Variants in KMT2E observed in about 807,000 individuals in gnomAD.
KMT2E encodes the protein lysine methyltransferase 2E (inactive), also known as histone reader KMT2E.
In KMT2E, 30 loss-of-function variants were observed where a neutral mutation model predicts 184.6. That is an observed-to-expected ratio of 0.16 (90% confidence interval 0.12 to 0.22). KMT2E has a LOEUF of 0.22. Among genes scored for constraint, KMT2E ranks in the 10% least tolerant of loss-of-function variants. KMT2E has a pLI of 1.00. For synonymous variants in KMT2E, 815 were observed against 776.5 expected (o/e 1.05, Z -0.82); for missense variants, 2,023 against 2,237.4 (o/e 0.90, Z 1.93).
intron 3 of KMT2E, among the ~76,000 whole-genome samples, chr7:105,041,605 T>C (rs1186918808): frequency 1.3e-5 from 2 of 152,232 alleles, no homozygotes; most frequent in Non-Finnish European, 2.9e-5. Context: ...TTCATCATTT[T>C]GGCTAGGCTG....
At chr7:105,038,740 AAAAC>A (rs1438654470) in intron 2 of KMT2E, among the ~76,000 whole-genome samples, 2 of 152,154 alleles carry the variant, frequency 1.3e-5, no homozygotes, top group Non-Finnish European at 2.9e-5. Context: ...CCTTTTTAAA[AAAAC>A]TATGATTTGA....
chr7:105,078,162 G>A (rs906756973), intron 11 of KMT2E, among the ~76,000 whole-genome samples: 5 of 152,204 alleles, frequency 3.3e-5, no homozygotes, highest in African/African-American at 1.2e-4. Flanking sequence ...GATTTGATCT[G>A]AAACGGTATA....
At chr7:105,097,319 G>A (rs1387277334) in intron 15 of KMT2E, among the ~76,000 whole-genome samples, 2 of 152,114 alleles carry the variant, frequency 1.3e-5, no homozygotes, top group Non-Finnish European at 2.9e-5. Context: ...GTAGAGACTG[G>A]GAATTTTATT....
chr7:105,019,972 G>A (rs1372730938), intron 1 of KMT2E, among the ~76,000 whole-genome samples: 1 of 151,930 alleles, frequency 6.6e-6, no homozygotes, highest in Admixed American at 6.6e-5. Flanking sequence ...GCCGGGCGTG[G>A]TGGCAGGTGC....
At position 105,106,758 on chromosome 7, in the gene KMT2E, A is replaced by G. The variant is rs1191782872; in HGVS notation, c.2833A>G (p.Thr945Ala). 6.2e-7 allele frequency: 1 copy of G among 1,613,704 alleles called. No individual in the cohort carries two copies. Among genetic ancestry groups the G allele is most frequent in the East Asian group, 2.2e-5 (1 of 44,866 alleles). Residue 945 changes from threonine to alanine, a missense_variant, in exon 20 of 27, where the codon ACC (threonine) becomes GCC (alanine). Physicochemically the swap from Thr to Ala is moderately conservative, Grantham distance 58. Around this residue, in one of 8 missense-constraint regions of KMT2E, gnomAD observed 514 missense variants for 621.8 expected, o/e 0.83. Coordinates refer to ENST00000311117, the MANE Select transcript of KMT2E (RefSeq NM_182931.3). ...TPVTPGTPGN[T>A]MHFENISSPE... ...AGTAACTCCTGGTACACCAGGAAAT[A>G]CCATGCACTTTGAGGTGAGAAATTT... is the stretch of plus-strand genomic sequence containing the variant.
intron 15 of KMT2E, among the ~76,000 whole-genome samples, chr7:105,095,235 G>A (rs1252795807): frequency 6.6e-6 from 1 of 152,064 alleles, no homozygotes; most frequent in African/African-American, 2.4e-5. Context: ...AGATCAGATT[G>A]TCTCATGAAC....
intron 15 of KMT2E, among the ~76,000 whole-genome samples, chr7:105,096,218 C>A (rs192101147): frequency 2.7e-4 from 36 of 133,448 alleles, no homozygotes; most frequent in African/African-American, 1.0e-3. Context: ...GGCATCACTG[C>A]ACTCCAGCCT....
At chr7:105,084,097 C>T (rs545113595) in intron 13 of KMT2E, among the ~76,000 whole-genome samples, 26 of 152,248 alleles carry the variant, frequency 1.7e-4, no homozygotes, top group Middle Eastern at 3.4e-3. Context: ...TCACATTCTG[C>T]GGCCCAGCTG....
intron 1 of KMT2E, among the ~76,000 whole-genome samples, chr7:105,032,073 C>CAAAA (rs869308527): frequency 3.0e-4 from 23 of 77,242 alleles, no homozygotes; most frequent in Admixed American, 3.5e-4. Flanking sequence ...ACTCTTATCA[C>CAAAA]AAAAAAAAAA....
chr7:105,113,950 C>T lies in KMT2E; in HGVS notation c.*617C>T, dbSNP rs1166389765. 1 of 153,298 alleles carries T rather than the reference C, an allele frequency of 6.5e-6. No individual in the cohort carries two copies. The highest frequency in any genetic ancestry group is 1.5e-5 in the Non-Finnish European group (1 of 68,202). The allele number at this position is 153,298 out of a possible 1,614,324, so 9.5% of individuals were successfully genotyped here. A position where few individuals can be genotyped will look rare whatever the true frequency, so the allele number is the denominator to read the frequency against. ...CATTGTACATATGACAAGTCTTTTG[C>T]AAAACTGTGTGATCTTTGTGAAAGT... On this transcript the variant is annotated 3_prime_UTR_variant, in exon 27 of 27. Transcript: ENST00000311117.
chr7:105,039,735 A>G (rs1015733868), intron 2 of KMT2E, among the ~76,000 whole-genome samples: 9 of 152,148 alleles, frequency 5.9e-5, no homozygotes, highest in Non-Finnish European at 1.2e-4. Context: ...TAAGATAAAA[A>G]TATACAGTAA....
chr7:105,109,060 G>A lies in KMT2E; in HGVS notation c.3587G>A (p.Gly1196Asp). 6.2e-7 allele frequency: 1 copy of A among 1,614,188 alleles called. No homozygotes were observed. Among genetic ancestry groups the A allele is most frequent in the Non-Finnish European group, 8.5e-7 (1 of 1,180,020 alleles). The change falls in exon 23 of 27, where the codon GGT becomes GAT. Residue 1196 changes from glycine to aspartate, a missense_variant. Physicochemically the swap from Gly to Asp is moderately conservative, Grantham distance 94. Transcript: ENST00000311117. Reference protein sequence around the residue: ...PHASGSLSNNGDGCASSNDNG... With the variant: ...PHASGSLSNNDDGCASSNDNG... ...GCAAGTGGAAGCTTGAGCAACAATG[G>A]TGATGGCTGTGCCAGCAGTAATGAC...
chr7:105,099,162 G>A (rs1317552151), intron 15 of KMT2E, among the ~76,000 whole-genome samples: 1 of 152,144 alleles, frequency 6.6e-6, no homozygotes, highest in Admixed American at 6.5e-5. Flanking sequence ...AAATATTTGT[G>A]TATTTTAAGA....
At chr7:105,064,166 T>G (rs1350413947) in intron 5 of KMT2E, 18 of 94,714 alleles carry the variant, frequency 1.9e-4, no homozygotes, top group African/African-American at 8.3e-4. Context: ...TTTTCTTGGT[T>G]TTTTTTTTTT....
At chr7:105,102,419 TA>T in intron 17 of KMT2E, 2 of 370,208 alleles carry the variant, frequency 5.4e-6, no homozygotes, top group Non-Finnish European at 9.5e-6. Flanking sequence ...ACTTTTATGG[TA>T]TTGCAATTCA....
chr7:105,073,697 A>C lies in KMT2E; in HGVS notation c.556+20A>C. The C allele has an allele frequency of 1.3e-6, 2 of 1,490,084 alleles. No individual in the cohort carries two copies. The highest frequency in any genetic ancestry group is 1.9e-6 in the Non-Finnish European group (2 of 1,069,228). The allele number at this position is 1,490,084 out of a possible 1,614,324, so 92.3% of individuals were successfully genotyped here. A position where few individuals can be genotyped will look rare whatever the true frequency, so the allele number is the denominator to read the frequency against. On this transcript the variant is annotated intron_variant, in intron 7 of 26. Coordinates refer to ENST00000311117, the MANE Select transcript of KMT2E (RefSeq NM_182931.3). The stretch of plus-strand genomic sequence containing the variant: ...TGTCAGGTAGGTAAAAAGGACCTAC[A>C]CTAAATTAAAATTCGTGTGATTGAG...
intron 6 of KMT2E, among the ~76,000 whole-genome samples, chr7:105,069,456 T>C (rs1435493176): frequency 1.3e-5 from 2 of 152,236 alleles, no homozygotes; most frequent in Admixed American, 6.5e-5. Context: ...AATATGATTG[T>C]GTAAAACAGT....
Position 105,081,808 on chromosome 7 carries a change from G to A in KMT2E, c.1358+11G>A. ...TGACTATGGAAATTGGTGAGTTCAAGTCTATAAATGTAATCTGTTGTTTGA... is the reference window on the plus strand; with the variant it reads ...TGACTATGGAAATTGGTGAGTTCAAATCTATAAATGTAATCTGTTGTTTGA... On this transcript the variant is annotated intron_variant, in intron 13 of 26. Transcript: ENST00000311117. The A allele has an allele frequency of 9.4e-7, 1 of 1,068,526 alleles. No individual in the cohort carries two copies. Among genetic ancestry groups the A allele is most frequent in the South Asian group, 1.4e-5 (1 of 71,664 alleles). 66.2% of individuals were successfully genotyped at this position (1,068,526 alleles called of 1,614,324 possible). A position where few individuals can be genotyped will look rare whatever the true frequency, so the allele number is the denominator to read the frequency against.
At chr7:105,075,711 A>G (rs1413637090) in intron 8 of KMT2E, among the ~76,000 whole-genome samples, 3 of 150,570 alleles carry the variant, frequency 2.0e-5, no homozygotes, top group Non-Finnish European at 4.4e-5. Context: ...GGATCTTGCT[A>G]TGTTGCCCAG....
Sources: gnomAD v4.1 joint callset for allele counts (sites outside exome capture counted in the v4.1 genomes callset) on GRCh38, gnomAD v4.1.1 for gene constraint, gnomAD v4.1.1 regional missense constraint, MANE v1.5 for transcripts, NCBI Gene and HGNC (gene_info 2026-07-23, HGNC 2026-07-21) for gene names.